PHEX: variants seen among roughly 807,000 people sequenced by gnomAD.
PHEX encodes phosphate-regulating neutral endopeptidase PHEX.
PHEX carries 16 observed loss-of-function variants against 68.0 expected under a neutral mutation model. The ratio of observed to expected loss-of-function variants is 0.24; its 90% CI spans 0.16 to 0.36. PHEX has a LOEUF of 0.36. Ranked by LOEUF, PHEX falls within the 10% of genes least tolerant of loss-of-function variation. The probability of loss-of-function intolerance (pLI) is 1.00; values close to 1 mark genes in which losing one functional copy is unlikely to be tolerated. For synonymous variants in PHEX, 208 were observed against 205.1 expected, an observed-to-expected ratio of 1.01 and a Z score of -0.12; for missense variants, 480 against 575.5, an observed-to-expected ratio of 0.83 and a Z score of 1.70.
chrX:22,070,661 G>C (rs142297346), intron 3 of PHEX, among the ~76,000 whole-genome samples: 23 of 112,144 alleles, frequency 2.1e-4, no homozygotes, highest in Non-Finnish European at 4.1e-4. Flanking sequence ...TCTCCAGTCT[G>C]GGTGACAGCA....
chrX:22,156,725 G>C (rs555603473), intron 12 of PHEX, among the ~76,000 whole-genome samples: 10 of 110,632 alleles, frequency 9.0e-5, no homozygotes, highest in African/African-American at 3.0e-4. Context: ...AGCTAATTGA[G>C]GCTTAGGGTA....
At chrX:22,169,766 G>GCCA (rs891427170) in intron 13 of PHEX, 1 of 112,566 alleles carries the variant, frequency 8.9e-6, no homozygotes, top group Non-Finnish European at 1.9e-5. Flanking sequence ...TCATGGGCCT[G>GCCA]GGTTTGAATT....
At position 22,035,064 on chromosome X, in the gene PHEX, G is replaced by A. The variant is rs180717906; in HGVS notation, c.118+1941G>A. Among the ~76,000 whole-genome samples, 8 of 110,461 alleles carry A rather than the reference G, an allele frequency of 7.2e-5. No homozygotes were observed. The South Asian group carries it at 1.5e-3, about 21-fold the overall frequency. On this transcript the variant is annotated intron_variant, in intron 1 of 21. Transcript: ENST00000379374. The stretch of plus-strand genomic sequence containing the variant: ...TGACAATATTCTAGTTAGGGTCGTC[G>A]TCTCTTCAAGGGGCTTCCTGCTTGA...
At chrX:22,037,445 C>T (rs997176626) in intron 1 of PHEX, among the ~76,000 whole-genome samples, 1 of 111,509 alleles carries the variant, frequency 9.0e-6, no homozygotes, top group African/African-American at 3.3e-5. Flanking sequence ...ATGAATTCCC[C>T]AGAATTTCCT....
chrX:22,104,921 G>A (rs1930609908), intron 9 of PHEX, among the ~76,000 whole-genome samples: 1 of 112,240 alleles, frequency 8.9e-6, no homozygotes, highest in South Asian at 3.6e-4. Context: ...GCAAACCCTT[G>A]GAGTTTTGTC....
At chrX:22,114,667 A>G (rs2147065931) in intron 11 of PHEX, 81 bp downstream of exon 11, 1 of 880,898 alleles carries the variant, frequency 1.1e-6, no homozygotes, top group East Asian at 3.2e-5. Flanking sequence ...GGCTAATGTC[A>G]GCCTTCCAGG....
chrX:22,057,099 T>C (rs979945788), intron 3 of PHEX, among the ~76,000 whole-genome samples: 1 of 111,996 alleles, frequency 8.9e-6, no homozygotes, highest in African/African-American at 3.2e-5. Flanking sequence ...TTAAGGCAAA[T>C]AGGATATACC....
At chrX:22,103,879 A>G (rs1291244778) in intron 9 of PHEX, among the ~76,000 whole-genome samples, 1 of 112,283 alleles carries the variant, frequency 8.9e-6, no homozygotes, top group Non-Finnish European at 1.9e-5. Flanking sequence ...AGGAATCTCC[A>G]TACTGTTTTC....
intron 2 of PHEX, among the ~76,000 whole-genome samples, chrX:22,040,744 TGAG>T (rs1927237908): frequency 9.1e-6 from 1 of 110,331 alleles, no homozygotes; most frequent in Non-Finnish European, 1.9e-5. Flanking sequence ...GTGCAAGTGA[TGAG>T]GAGTCAATGG....
chrX:22,149,378 C>G (rs1253426917), intron 12 of PHEX, among the ~76,000 whole-genome samples: 4 of 112,471 alleles, frequency 3.6e-5, no homozygotes, highest in African/African-American at 1.3e-4. Context: ...AACCTTTACT[C>G]AACTCTGATG....
At chrX:22,171,467 C>T (rs1298680789) in intron 13 of PHEX, 3 of 110,201 alleles carry the variant, frequency 2.7e-5, no homozygotes, top group African/African-American at 9.9e-5. Context: ...TCAAGCCCCG[C>T]CCTTTTCTTT....
intron 20 of PHEX, among the ~76,000 whole-genome samples, chrX:22,229,196 T>G (rs778272634): frequency 1.8e-5 from 2 of 112,201 alleles, no homozygotes; most frequent in African/African-American, 6.5e-5. Context: ...ACAATAAACA[T>G]AAGTGTGCAT....
chrX:22,223,007 T>C (rs1353315410), intron 18 of PHEX, among the ~76,000 whole-genome samples: 2 of 111,873 alleles, frequency 1.8e-5, no homozygotes, highest in Non-Finnish European at 3.8e-5. Context: ...CTCTTCACCA[T>C]TCATTTTGGC....
At chrX:22,208,996 C>T (rs1211247395) in intron 15 of PHEX, among the ~76,000 whole-genome samples, 1 of 112,045 alleles carries the variant, frequency 8.9e-6, no homozygotes, top group Non-Finnish European at 1.9e-5. Flanking sequence ...AATACACAAA[C>T]GCTACAGTAA....
intron 9 of PHEX, among the ~76,000 whole-genome samples, chrX:22,100,798 G>A (rs915104497): frequency 2.7e-5 from 3 of 111,710 alleles, no homozygotes; most frequent in Non-Finnish European, 3.8e-5. Flanking sequence ...AAATATAAAC[G>A]TAGAGAACAA....
Position 22,055,638 on chromosome X carries a change from C to T in PHEX, c.349+8427C>T, listed in dbSNP as rs757782620. 3.6e-5 allele frequency among the ~76,000 whole-genome samples: 4 copies of T among 111,165 alleles called. No homozygotes were observed. The South Asian group carries it at 1.1e-3, about 32-fold the overall frequency. On this transcript the variant is annotated intron_variant, in intron 3 of 21. Coordinates refer to ENST00000379374, the MANE Select transcript of PHEX (RefSeq NM_000444.6). ...GTGCACTGGCACGATCTCGGCTCAC[C>T]GCAACCTCTGCCTCCCGGGTTCAAG...
intron 21 of PHEX, among the ~76,000 whole-genome samples, chrX:22,245,792 G>T (rs893190370): frequency 9.0e-6 from 1 of 111,545 alleles, no homozygotes; most frequent in African/African-American, 3.3e-5. Context: ...CTGCATTATT[G>T]GACTTACTCA....
At chrX:22,159,051 G>T (rs1933032523) in intron 12 of PHEX, among the ~76,000 whole-genome samples, 1 of 113,091 alleles carries the variant, frequency 8.8e-6, no homozygotes, top group Admixed American at 9.3e-5. Flanking sequence ...GCATGTAAAT[G>T]GTAGTAATAG....
At chrX:22,144,857 C>T (rs754405865) in intron 12 of PHEX, among the ~76,000 whole-genome samples, 24 of 111,035 alleles carry the variant, frequency 2.2e-4, no homozygotes, top group African/African-American at 7.5e-4. Flanking sequence ...ACCGCCTCTC[C>T]ATCCATGAAA....
Sources: gnomAD v4.1 joint callset for allele counts (sites outside exome capture counted in the v4.1 genomes callset) on GRCh38, gnomAD v4.1.1 for gene constraint, MANE v1.5 for transcripts, NCBI Gene and HGNC (gene_info 2026-07-23, HGNC 2026-07-21) for gene names.